Variants in PSPC1 observed in about 807,000 individuals in gnomAD.
PSPC1 encodes paraspeckle component 1.
A neutral mutation model predicts 51.6 loss-of-function variants in PSPC1; 14 were observed. That is an observed-to-expected ratio of 0.27 (90% confidence interval 0.18 to 0.42). PSPC1 has a LOEUF of 0.42. Among genes scored for constraint, PSPC1 ranks in the 10% least tolerant of loss-of-function variants. The probability of loss-of-function intolerance (pLI) is 1.00; values close to 1 mark genes in which losing one functional copy is unlikely to be tolerated. For synonymous variants in PSPC1, 193 were observed against 231.9 expected (o/e 0.83, Z 1.53); for missense variants, 406 against 701.1 (o/e 0.58, Z 4.75).
chr13:19,705,633 T>C, intron 8 of PSPC1, 29 bp downstream of exon 8: 1 of 1,533,258 alleles, frequency 6.5e-7, no homozygotes, highest in Non-Finnish European at 8.9e-7. Context: ...TTACTGAATA[T>C]AATCAAAATA....
chr13:19,749,369 A>G (rs1476541106), intron 4 of PSPC1, among the ~76,000 whole-genome samples: 1 of 151,416 alleles, frequency 6.6e-6, no homozygotes, highest in Non-Finnish European at 1.5e-5. Context: ...AAAGCAAAAA[A>G]ATTAGCTGGG....
chr13:19,701,927 G>T (rs1014081437), downstream of PSPC1, among the ~76,000 whole-genome samples: 2 of 152,096 alleles, frequency 1.3e-5, no homozygotes, highest in Non-Finnish European at 2.9e-5. Flanking sequence ...CATTTTTAAA[G>T]AGTTATGACT....
At chr13:19,781,660 G>C (rs182477936) in intron 1 of PSPC1, among the ~76,000 whole-genome samples, 6 of 152,260 alleles carry the variant, frequency 3.9e-5, no homozygotes, top group Admixed American at 3.3e-4. Flanking sequence ...TAAGCAGTTT[G>C]AGGTAAATAG....
chr13:19,686,473 C>T (rs1332074267), intron 6 of PSPC1, among the ~76,000 whole-genome samples: 3 of 152,144 alleles, frequency 2.0e-5, no homozygotes, highest in East Asian at 3.9e-4. Context: ...TTGAGAAATG[C>T]GGATGTATTA....
At chr13:19,721,329 T>C (rs1010238988) in intron 6 of PSPC1, among the ~76,000 whole-genome samples, 10 of 152,210 alleles carry the variant, frequency 6.6e-5, no homozygotes, top group African/African-American at 1.9e-4. Context: ...GCACAAGATA[T>C]GTTTACATTA....
At chr13:19,737,036 C>A (rs945125071) in intron 5 of PSPC1, 3 of 152,076 alleles carry the variant, frequency 2.0e-5, no homozygotes, top group Non-Finnish European at 4.4e-5. Flanking sequence ...AGGCGCTATC[C>A]CACTACTAAT....
intron 4 of PSPC1, among the ~76,000 whole-genome samples, chr13:19,746,017 T>G (rs1306345577): frequency 6.7e-6 from 1 of 150,236 alleles, no homozygotes; most frequent in African/African-American, 2.4e-5. Flanking sequence ...TTGTTTTTTT[T>G]TTTTTTTGAG....
At position 19,703,768 on chromosome 13, in the gene PSPC1, T is replaced by G. The variant is rs1473169060; in HGVS notation, c.1387-408A>C. 3.3e-5 allele frequency among the ~76,000 whole-genome samples: 5 copies of G among 152,048 alleles called. No homozygotes were observed. The East Asian group carries it at 9.6e-4, about 29-fold the overall frequency. On this transcript the variant is annotated intron_variant, in intron 8 of 8. Coordinates refer to ENST00000338910, the MANE Select transcript of PSPC1 (RefSeq NM_001354909.2). ...AGAGAAATAAAACTGGGGAGCAGCA[T>G]CAATTCGGTTTTTTAAAAGTAAACA...
intron 6 of PSPC1, among the ~76,000 whole-genome samples, chr13:19,722,484 A>G (rs973930068): frequency 7.2e-5 from 11 of 151,766 alleles, no homozygotes; most frequent in African/African-American, 2.2e-4. Flanking sequence ...TGGGTGACAC[A>G]GCGAGAGCCT....
At chr13:19,699,740 T>TA, downstream of PSPC1, among the ~76,000 whole-genome samples, 1 of 152,120 alleles carries the variant, frequency 6.6e-6, no homozygotes, top group Non-Finnish European at 1.5e-5. Flanking sequence ...AGTCCATGCC[T>TA]AAAAACATCT....
At chr13:19,679,741 G>T (rs1441227346) in intron 6 of PSPC1, among the ~76,000 whole-genome samples, 4 of 152,100 alleles carry the variant, frequency 2.6e-5, no homozygotes, top group African/African-American at 9.7e-5. Context: ...ATTCATGGGG[G>T]CAGAAGCAAC....
At chr13:19,730,786 T>C (rs9579669) in intron 5 of PSPC1, among the ~76,000 whole-genome samples, 140,826 of 151,536 alleles carry the variant, frequency 0.93, 66,361 homozygotes, top group East Asian at 1. Context: ...GGTGAAACCC[T>C]ATCTCTACTA....
At chr13:19,724,118 A>G (rs879539770) in intron 6 of PSPC1, among the ~76,000 whole-genome samples, 1 of 152,258 alleles carries the variant, frequency 6.6e-6, no homozygotes, top group Non-Finnish European at 1.5e-5. Flanking sequence ...TTTAGACTTC[A>G]AAAAACAAAT....
chr13:19,735,820 C>CAA (rs201549890), intron 5 of PSPC1, among the ~76,000 whole-genome samples: 1 of 150,168 alleles, frequency 6.7e-6, no homozygotes, highest in African/African-American at 2.5e-5. Flanking sequence ...CAAAACTACT[C>CAA]AAAAAAAAAA....
intron 4 of PSPC1, among the ~76,000 whole-genome samples, chr13:19,746,968 C>T (rs9506369): frequency 0.6 from 90,956 of 151,880 alleles, 30,919 homozygotes; most frequent in East Asian, 0.89. Flanking sequence ...ATTAGCCAGG[C>T]GTGGTGGCGC....
At chr13:19,773,679 G>C (rs12184744) in intron 1 of PSPC1, among the ~76,000 whole-genome samples, 1 of 151,722 alleles carries the variant, frequency 6.6e-6, no homozygotes, top group Non-Finnish European at 1.5e-5. Context: ...AGGTGTCTGA[G>C]ACAGGGTCTT....
downstream of PSPC1, among the ~76,000 whole-genome samples, chr13:19,698,906 AT>A (rs370366848): frequency 4.3e-3 from 649 of 152,048 alleles, 6 homozygotes; most frequent in African/African-American, 0.015. Context: ...AAAGGAAAAA[AT>A]GTCATAAAAT....
At chr13:19,690,910 G>T (rs923922205) in intron 6 of PSPC1, among the ~76,000 whole-genome samples, 34 of 152,246 alleles carry the variant, frequency 2.2e-4, no homozygotes, top group African/African-American at 8.2e-4. Flanking sequence ...TTAGTGTAAT[G>T]GAGTTGTCTA....
At chr13:19,694,909 T>C (rs1879024728) in intron 6 of PSPC1, among the ~76,000 whole-genome samples, 3 of 152,264 alleles carry the variant, frequency 2.0e-5, no homozygotes, top group African/African-American at 7.2e-5. Flanking sequence ...TTTTCTCTAC[T>C]GCCTTTATCG....
Sources: allele counts gnomAD v4.1 joint callset (sites outside exome capture counted in the v4.1 genomes callset), GRCh38; gene constraint gnomAD v4.1.1; transcripts MANE v1.5; gene names NCBI Gene and HGNC (gene_info 2026-07-23, HGNC 2026-07-21).